The following MAP3K11 variants were observed in gnomAD, a reference collection of about 807,000 sequenced individuals.
The protein encoded by MAP3K11 is SH3 domain-containing proline-rich kinase.
MAP3K11 carries 46 observed loss-of-function variants against 84.9 expected under a neutral mutation model. That is an observed-to-expected ratio of 0.54 (90% CI 0.43 to 0.69). MAP3K11 has a LOEUF of 0.69. Among genes scored for constraint, MAP3K11 ranks in the 30% least tolerant of loss-of-function variants. The pLI, the probability that MAP3K11 is intolerant of heterozygous loss-of-function variation, is 0.00. For missense variants in MAP3K11, 1,053 were observed against 1,198.3 expected (o/e 0.88, Z 1.79); for synonymous variants, 527 against 514.7 (o/e 1.02, Z -0.32).
At position 65,613,122 on chromosome 11, in the gene MAP3K11, G is replaced by A; in HGVS notation, c.635C>T (p.Pro212Leu). 6.3e-7 allele frequency: 1 copy of A among 1,586,642 alleles called. No homozygotes were observed. The stretch of plus-strand genomic sequence containing the variant: ...CACAGCCCAGTTGACCAGCACATGG[G>A]GAGGCACGCGCCGCCCGGCCAGAGC... Reference protein sequence around the residue: ...SRALAGRRVPPHVLVNWAVQI... With the variant: ...SRALAGRRVPLHVLVNWAVQI... Residue 212 changes from proline to leucine, a missense_variant, in exon 1 of 10, where the codon CCC becomes CTC. Transcript: ENST00000309100.
In MAP3K11 at chr11:65,607,297, C is replaced by T. The variant is rs758623501; in HGVS notation, c.1462G>A (p.Gly488Ser). ...AGTGGCATGCTGATACGCTCGCCGCCGTCGCGCGCCCGGAGCTTGCTGCGC... is the reference window on the plus strand; with the variant it reads ...AGTGGCATGCTGATACGCTCGCCGCTGTCGCGCGCCCGGAGCTTGCTGCGC... ...FKRSKLRARD[G>S]GERISMPLDF... is the part of the protein sequence containing the mutation. The change falls in exon 5 of 10, where the codon GGC becomes AGC. Residue 488 changes from glycine to serine, a missense_variant. Coordinates refer to ENST00000309100, the MANE Select transcript of MAP3K11 (RefSeq NM_002419.4). The T allele has an allele frequency of 6.6e-6, 10 of 1,521,770 alleles. No homozygotes were observed. Among genetic ancestry groups the T allele is most frequent in the Admixed American group, 2.0e-5 (1 of 48,918 alleles). The allele number at this position is 1,521,770 out of a possible 1,614,324, so 94.3% of individuals were successfully genotyped here.
At position 65,607,336 on chromosome 11, in the gene MAP3K11, G is replaced by A; in HGVS notation, c.1423C>T (p.Arg475Cys). ...DRERPHVRRR[R>C]GTFKRSKLRA... The stretch of plus-strand genomic sequence containing the variant: ...AGCTTGCTGCGCTTGAATGTCCCGC[G>A]GCGGCGGCGCACGTGCGGTCGCTCG... Residue 475 changes from arginine (R) to cysteine (C), a missense_variant, in exon 5 of 10, where the codon CGC becomes TGC. Arg to Cys is a radical substitution (Grantham distance 180). This residue lies in a region of MAP3K11 where 583 missense variants were observed against 566.6 expected (regional missense o/e 1.03). Coordinates refer to ENST00000309100, the MANE Select transcript of MAP3K11 (RefSeq NM_002419.4). 2 of 1,507,986 alleles carry A rather than the reference G, an allele frequency of 1.3e-6. No individual in the cohort carries two copies. The highest frequency in any genetic ancestry group is 1.8e-6 in the Non-Finnish European group (2 of 1,137,354). The allele number at this position is 1,507,986 out of a possible 1,614,324, so 93.4% of individuals were successfully genotyped here. A position where few individuals can be genotyped will look rare whatever the true frequency, so the allele number is the denominator to read the frequency against.
chr11:65,613,850 T>A lies in MAP3K11; in HGVS notation c.-94A>T. Reference sequence around the variant, plus strand: ...CTGCCAAGGCCCTAGTCCCGGAACCTGGGCATCCGGGCCCTGGCCCTCAGC... The same window carrying A: ...CTGCCAAGGCCCTAGTCCCGGAACCAGGGCATCCGGGCCCTGGCCCTCAGC... On this transcript the variant is annotated 5_prime_UTR_variant, in exon 1 of 10. Transcript: ENST00000309100. 3.7e-6 allele frequency: 5 copies of A among 1,365,652 alleles called. No individual in the cohort carries two copies. The highest frequency in any genetic ancestry group is 2.7e-4 in the Middle Eastern group (1 of 3,762). 84.6% of individuals were successfully genotyped at this position (1,365,652 alleles called of 1,614,324 possible).
At chr11:65,599,031 CA>C (rs1854418673) in intron 9 of MAP3K11, among the ~76,000 whole-genome samples, 2 of 152,188 alleles carry the variant, frequency 1.3e-5, no homozygotes, top group Admixed American at 6.5e-5. Flanking sequence ...ATTATGATTA[CA>C]TGTATGCTGT....
chr11:65,602,238 G>C (rs1854464131), intron 8 of MAP3K11, among the ~76,000 whole-genome samples: 1 of 150,512 alleles, frequency 6.6e-6, no homozygotes, highest in South Asian at 2.1e-4. Flanking sequence ...GAGGCTGGGA[G>C]TGGTGGCTCA....
rs1854404294 is a variant in MAP3K11 at position 65,598,124 on chromosome 11, C to T, written c.*167G>A. ...TTCAGATGTGGGGGCGCAGGTCCCC[C>T]TTCCAGTGTGAAGGCTTCCTGTGCA... On this transcript the variant is annotated 3_prime_UTR_variant, in exon 10 of 10. Coordinates refer to ENST00000309100, the MANE Select transcript of MAP3K11 (RefSeq NM_002419.4). 4.3e-6 allele frequency: 2 copies of T among 468,504 alleles called. No homozygotes were observed. Among genetic ancestry groups the T allele is most frequent in the African/African-American group, 2.0e-5 (1 of 50,178 alleles). The allele number at this position is 468,504 out of a possible 1,614,324, so 29.0% of individuals were successfully genotyped here. A position where few individuals can be genotyped will look rare whatever the true frequency, so the allele number is the denominator to read the frequency against.
At position 65,613,558 on chromosome 11, in the gene MAP3K11, G is replaced by C. The variant is rs774092295; in HGVS notation, c.199C>G (p.Arg67Gly). ...GCGTCCCGGGACAGCACCTCCACAC[G>C]GTCACCCTTCCTCAGGGCCAGCTCA... is the stretch of plus-strand genomic sequence containing the variant. ...QDELALRKGD[R>G]VEVLSRDAAI... Residue 67 changes from arginine (R) to glycine (G), a missense_variant, in exon 1 of 10, where the codon CGT (arginine) becomes GGT (glycine). Physicochemically the swap from Arg to Gly is moderately radical, Grantham distance 125. Transcript: ENST00000309100. 1 of 1,611,896 alleles carries C rather than the reference G, an allele frequency of 6.2e-7. No homozygotes were observed. The highest frequency in any genetic ancestry group is 8.5e-7 in the Non-Finnish European group (1 of 1,179,252).
rs1283166107 is a variant in MAP3K11, at chr11:65,607,317, C to G, written c.1442G>C (p.Ser481Thr). ...GCCGCCGTCGCGCGCCCGGAGCTTG[C>G]TGCGCTTGAATGTCCCGCGGCGGCG... ...VRRRRGTFKR[S>T]KLRARDGGER... Residue 481 changes from serine (S) to threonine (T), a missense_variant, in exon 5 of 10, where the codon AGC (serine) becomes ACC (threonine). Coordinates refer to ENST00000309100, the MANE Select transcript of MAP3K11 (RefSeq NM_002419.4). 1.3e-6 allele frequency: 2 copies of G among 1,523,106 alleles called. No homozygotes were observed. The highest frequency in any genetic ancestry group is 4.1e-5 in the Admixed American group (2 of 48,834). The allele number at this position is 1,523,106 out of a possible 1,614,324, so 94.3% of individuals were successfully genotyped here.
chr11:65,598,693 G>A (rs1465582681), intron 9 of MAP3K11, 65 bp from the exon 10 acceptor site: 1 of 1,229,710 alleles, frequency 8.1e-7, no homozygotes, highest in East Asian at 2.8e-5. Flanking sequence ...CCAAGACACT[G>A]TCCTGCTCTG....
chr11:65,601,813 ACCAACCAC>A (rs1440439106), intron 8 of MAP3K11, among the ~76,000 whole-genome samples: 4 of 57,890 alleles, frequency 6.9e-5, no homozygotes, highest in Non-Finnish European at 1.4e-4. Flanking sequence ...TAATCCTTGC[ACCAACCAC>A]GAGGTTATCA....
chr11:65,601,070 A>G (rs987285194), intron 8 of MAP3K11, among the ~76,000 whole-genome samples: 1 of 152,140 alleles, frequency 6.6e-6, no homozygotes, highest in African/African-American at 2.4e-5. Flanking sequence ...TTCCAGCTTC[A>G]TTCACTCATT....
At chr11:65,608,565 G>A in intron 1 of MAP3K11, 117 bp from the exon 2 acceptor site, 1 of 826,018 alleles carries the variant, frequency 1.2e-6, no homozygotes, top group Non-Finnish European at 2.0e-6. Flanking sequence ...GCACAGAGGT[G>A]ACTTGGTCTA....
rs1854521717 is a variant in MAP3K11, at chr11:65,607,296, C to G, written c.1463G>C (p.Gly488Ala). ...GAGTGGCATGCTGATACGCTCGCCG[C>G]CGTCGCGCGCCCGGAGCTTGCTGCG... ...FKRSKLRARD[G>A]GERISMPLDF... The change falls in exon 5 of 10, where the codon GGC (glycine) becomes GCC (alanine). Residue 488 changes from glycine to alanine, a missense_variant. Transcript: ENST00000309100. 2 of 1,521,880 alleles carry G rather than the reference C, an allele frequency of 1.3e-6. No individual in the cohort carries two copies. The highest frequency in any genetic ancestry group is 1.4e-5 in the African/African-American group (1 of 70,120). The allele number at this position is 1,521,880 out of a possible 1,614,324, so 94.3% of individuals were successfully genotyped here.
intron 8 of MAP3K11, among the ~76,000 whole-genome samples, chr11:65,603,477 T>G (rs931055888): frequency 6.6e-6 from 1 of 152,228 alleles, no homozygotes; most frequent in Admixed American, 6.5e-5. Flanking sequence ...AATGTGCCAC[T>G]CCTTGCAGCC....
In MAP3K11 at chr11:65,604,628, C is replaced by G. The variant is rs1854487516; in HGVS notation, c.1831+1133G>C. 2.6e-5 allele frequency among the ~76,000 whole-genome samples: 4 copies of G among 152,232 alleles called. No individual in the cohort carries two copies. In the South Asian group the frequency reaches 8.3e-4, roughly 32 times the overall value. The stretch of plus-strand genomic sequence containing the variant: ...TAAAATGCAGGCCAATACTACTACT[C>G]CCCTCACAGAACTGCTTGGCACATA... On this transcript the variant is annotated intron_variant, in intron 8 of 9. Transcript: ENST00000309100.
chr11:65,607,974 G>A lies in MAP3K11; in HGVS notation c.1017C>T (p.Leu339=), dbSNP rs144723725. Residue 339 remains leucine, a synonymous_variant, in exon 3 of 10, where the codon CTC becomes CTT. Coordinates refer to ENST00000309100, the MANE Select transcript of MAP3K11 (RefSeq NM_002419.4). ...GGCAGGTGGATGGGATGGGCAGTGT[G>A]AGCTTGTTAACAGCTACGCCATAGG... ...AVAYGVAVNK[L]TLPIPSTCPE... is the part of the protein sequence containing the mutation. The A allele has an allele frequency of 2.2e-5, 35 of 1,614,212 alleles. No individual in the cohort carries two copies. Among genetic ancestry groups the A allele is most frequent in the Non-Finnish European group, 2.6e-5 (31 of 1,180,044 alleles).
At chr11:65,603,192 A>G (rs1302556443) in intron 8 of MAP3K11, among the ~76,000 whole-genome samples, 1 of 152,262 alleles carries the variant, frequency 6.6e-6, no homozygotes, top group Non-Finnish European at 1.5e-5. Context: ...CCTGCAGTCA[A>G]TGGCCTGAGA....
chr11:65,608,541 G>T, intron 1 of MAP3K11, 93 bp from the exon 2 acceptor site: 1 of 1,211,666 alleles, frequency 8.3e-7, no homozygotes. Context: ...GGACATCCTG[G>T]CTGGGTCCTG....
At position 65,598,244 on chromosome 11, in the gene MAP3K11, T is replaced by C; in HGVS notation, c.*47A>G. The stretch of plus-strand genomic sequence containing the variant: ...CCAGCTCCTGTTCCAGTGTATGCTG[T>C]GACTCCTCCTAAGGCAGCTGGAGCT... On this transcript the variant is annotated 3_prime_UTR_variant, in exon 10 of 10. Transcript: ENST00000309100. 1.5e-6 allele frequency: 2 copies of C among 1,373,476 alleles called. No individual in the cohort carries two copies. The highest frequency in any genetic ancestry group is 1.9e-6 in the Non-Finnish European group (2 of 1,054,778). 85.1% of individuals were successfully genotyped at this position (1,373,476 alleles called of 1,614,324 possible).
Sources: gnomAD v4.1 joint callset for allele counts (sites outside exome capture counted in the v4.1 genomes callset) on GRCh38, gnomAD v4.1.1 for gene constraint, gnomAD v4.1.1 regional missense constraint, MANE v1.5 for transcripts, NCBI Gene and HGNC (gene_info 2026-07-23, HGNC 2026-07-21) for gene names.